DGKH: variants seen among roughly 807,000 people sequenced by gnomAD.
The protein encoded by DGKH is diacylglycerol kinase eta.
In DGKH, 90 loss-of-function variants were observed where a neutral mutation model predicts 159.3. The ratio of observed to expected loss-of-function variants is 0.57; its 90% CI spans 0.48 to 0.67. The LOEUF is 0.67. DGKH is among the 30% of genes least tolerant of loss of function. The probability of loss-of-function intolerance (pLI) is 0.00; values close to 1 mark genes in which losing one functional copy is unlikely to be tolerated. For synonymous variants in DGKH, 536 were observed against 553.8 expected (o/e 0.97, Z 0.45); for missense variants, 1,181 against 1,506.1 (o/e 0.78, Z 3.57).
intron 15 of DGKH, among the ~76,000 whole-genome samples, chr13:42,189,728 G>A (rs1259974621): frequency 2.6e-5 from 4 of 152,100 alleles, no homozygotes; most frequent in East Asian, 1.9e-4. Flanking sequence ...GTACAGTGGC[G>A]TGATCTCAGC....
In DGKH at chr13:42,251,383, G is replaced by A. The variant is rs1283860643; in HGVS notation, n.4055-1026G>A. ...CCCAGCTACTTGGGAGTCTGAGGTG[G>A]GAGGATCAATTGAGTCCCTGTCTGA... On this transcript the variant is annotated intron_variant and non_coding_transcript_variant, in intron 29 of 30. Coordinates refer to the DGKH transcript ENST00000498255. 2.6e-5 allele frequency among the ~76,000 whole-genome samples: 4 copies of A among 152,046 alleles called. 1 individual carries two copies. In the South Asian group the frequency reaches 8.3e-4, roughly 32 times the overall value.
At chr13:42,117,162 A>T (rs1438257378) in intron 1 of DGKH, among the ~76,000 whole-genome samples, 1 of 152,242 alleles carries the variant, frequency 6.6e-6, no homozygotes, top group Non-Finnish European at 1.5e-5. Context: ...AAACTAAAAC[A>T]TACTTGCTTT....
rs1047967872 is a variant in DGKH, at chr13:42,171,822, A to G, written c.1368-2238A>G. ...ATGATGGCTTTTGGTTTTCAAATAT[A>G]AATTTCTTTTTTTTTTTTTTTTTTT... On this transcript the variant is annotated intron_variant, in intron 11 of 29. Transcript: ENST00000337343. Among the ~76,000 whole-genome samples, 11 of 135,234 alleles carry G rather than the reference A, an allele frequency of 8.1e-5. No homozygotes were observed. In the East Asian group the frequency reaches 2.5e-3, roughly 31 times the overall value. 88.7% of individuals were successfully genotyped at this position (135,234 alleles called of 152,430 possible).
At chr13:42,146,374 T>G (rs1955732445) in intron 3 of DGKH, among the ~76,000 whole-genome samples, 1 of 152,172 alleles carries the variant, frequency 6.6e-6, no homozygotes, top group Non-Finnish European at 1.5e-5. Context: ...TTTCAAGTCT[T>G]TAGATTCATC....
chr13:42,155,623 T>G (rs1488423897), intron 4 of DGKH, 44 bp from the exon 5 acceptor site: 1 of 1,613,646 alleles, frequency 6.2e-7, no homozygotes, highest in African/African-American at 1.3e-5. Flanking sequence ...ATCTGTAGCC[T>G]TGTTCACTGG....
intron 1 of DGKH, among the ~76,000 whole-genome samples, chr13:42,084,729 G>A (rs566566550): frequency 6.6e-6 from 1 of 151,186 alleles, no homozygotes; most frequent in Non-Finnish European, 1.5e-5. Context: ...CAGGCTAGTA[G>A]TATAAACGTG....
At chr13:42,216,350 T>C (rs1458132675) in intron 26 of DGKH, among the ~76,000 whole-genome samples, 1 of 152,224 alleles carries the variant, frequency 6.6e-6, no homozygotes, top group East Asian at 1.9e-4. Flanking sequence ...CATGCTGTTA[T>C]CACTGTGTGG....
At chr13:42,040,374 G>GA in intron 1 of DGKH, among the ~76,000 whole-genome samples, 1 of 152,168 alleles carries the variant, frequency 6.6e-6, no homozygotes, top group East Asian at 1.9e-4. Context: ...GGCCCCGGGG[G>GA]AGGCCGCTCC....
chr13:42,200,425 T>G (rs534287798), intron 20 of DGKH, among the ~76,000 whole-genome samples: 1 of 152,308 alleles, frequency 6.6e-6, no homozygotes, highest in East Asian at 1.9e-4. Flanking sequence ...ACAGAAAAAG[T>G]TATTTTATTT....
Position 42,189,254 on chromosome 13 carries a change from G to T in DGKH, c.1857G>T (p.Leu619Phe), listed in dbSNP as rs780759983. Reference protein sequence around the residue: ...QKAVKPREIMLRANSLKKAVR... With the variant: ...QKAVKPREIMFRANSLKKAVR... ...CCGTCAAACCAAGGGAAATCATGTTGCGGGCAAATAGTTTAAAGAAAGCAG... is the reference window on the plus strand; with the variant it reads ...CCGTCAAACCAAGGGAAATCATGTTTCGGGCAAATAGTTTAAAGAAAGCAG... Residue 619 changes from leucine to phenylalanine, a missense_variant, in exon 15 of 30, where the codon TTG becomes TTT. Coordinates refer to ENST00000337343, the MANE Select transcript of DGKH (RefSeq NM_178009.5). 2 of 1,614,236 alleles carry T rather than the reference G, an allele frequency of 1.2e-6. No homozygotes were observed. The highest frequency in any genetic ancestry group is 1.7e-6 in the Non-Finnish European group (2 of 1,180,050).
intron 1 of DGKH, among the ~76,000 whole-genome samples, chr13:42,053,560 A>G (rs1430166799): frequency 7.0e-6 from 1 of 142,040 alleles, no homozygotes; most frequent in African/African-American, 2.7e-5. Context: ...ATATATGTAT[A>G]TATATAACTA....
chr13:42,166,641 T>C lies in DGKH; in HGVS notation c.1085T>C (p.Val362Ala). 6.2e-7 allele frequency: 1 copy of C among 1,602,446 alleles called. No individual in the cohort carries two copies. The highest frequency in any genetic ancestry group is 8.5e-7 in the Non-Finnish European group (1 of 1,175,180). The change falls in exon 9 of 30, where the codon GTG becomes GCG. Residue 362 changes from valine to alanine, a missense_variant. Physicochemically the swap from Val to Ala is moderately conservative, Grantham distance 64. Coordinates refer to ENST00000337343, the MANE Select transcript of DGKH (RefSeq NM_178009.5). ...RFKQLLNPAQ[V>A]FDLMNGGPHL... ...AAACAGTTGCTAAATCCGGCTCAGG[T>C]GTTTGATTTAATGAATGGAGGTCCT...
intron 1 of DGKH, among the ~76,000 whole-genome samples, chr13:42,041,983 C>G (rs1188893610): frequency 6.6e-6 from 1 of 152,202 alleles, no homozygotes; most frequent in Admixed American, 6.5e-5. Flanking sequence ...AGTATATACG[C>G]TCTCAGCTCC....
intron 16 of DGKH, 25 bp downstream of exon 16, chr13:42,190,550 T>A: frequency 6.4e-7 from 1 of 1,560,324 alleles, no homozygotes; most frequent in Non-Finnish European, 8.6e-7. Context: ...AAAAAATTAT[T>A]TTGGAATTAA....
chr13:42,161,966 C>T (rs1956193240), intron 7 of DGKH, among the ~76,000 whole-genome samples: 1 of 152,068 alleles, frequency 6.6e-6, no homozygotes. Context: ...CTTGCTCATT[C>T]TATTCACCCC....
intron 7 of DGKH, among the ~76,000 whole-genome samples, chr13:42,165,071 G>A (rs575378532): frequency 2.7e-5 from 4 of 150,498 alleles, no homozygotes; most frequent in African/African-American, 7.4e-5. Context: ...CTCTCTCTTC[G>A]CCTTCAACAG....
At position 42,229,307 on chromosome 13, in the gene DGKH, T is replaced by A; in HGVS notation, c.*119T>A. ...TAAGTAAGCACCACTGAAGCACCTC[T>A]GTGGCTTGATATTTTGCTGTGGGTG... On this transcript the variant is annotated 3_prime_UTR_variant, in exon 30 of 30. Coordinates refer to ENST00000337343, the MANE Select transcript of DGKH (RefSeq NM_178009.5). 7.3e-6 allele frequency: 6 copies of A among 820,962 alleles called. No homozygotes were observed. The highest frequency in any genetic ancestry group is 7.5e-6 in the Non-Finnish European group (4 of 529,810). 50.9% of individuals were successfully genotyped at this position (820,962 alleles called of 1,614,324 possible). A position where few individuals can be genotyped will look rare whatever the true frequency, so the allele number is the denominator to read the frequency against.
At chr13:42,209,768 T>G (rs1014175318) in intron 23 of DGKH, among the ~76,000 whole-genome samples, 1 of 152,166 alleles carries the variant, frequency 6.6e-6, no homozygotes, top group Non-Finnish European at 1.5e-5. Context: ...TGCATTAGTG[T>G]GGCACATTTG....
intron 8 of DGKH, 47 bp from the exon 9 acceptor site, chr13:42,166,468 A>T: frequency 7.3e-7 from 1 of 1,373,280 alleles, no homozygotes; most frequent in East Asian, 2.7e-5. Flanking sequence ...TAATAATTTA[A>T]AAGAGAAAGC....
Sources: allele counts gnomAD v4.1 joint callset (sites outside exome capture counted in the v4.1 genomes callset), GRCh38; gene constraint gnomAD v4.1.1; transcripts MANE v1.5; gene names NCBI Gene and HGNC (gene_info 2026-07-23, HGNC 2026-07-21).